Variants in RSPO3 observed in about 807,000 individuals in gnomAD.
RSPO3 encodes the protein R-spondin 3, also known as R-spondin-3.
Under a neutral mutation model 36.5 loss-of-function variants are expected in RSPO3, and 17 were observed. That is an observed-to-expected ratio of 0.47 (90% confidence interval 0.32 to 0.70). RSPO3 has a LOEUF of 0.70. RSPO3 is among the 30% of genes least tolerant of loss of function. RSPO3 has a pLI of 0.04. For synonymous variants in RSPO3, 108 were observed against 107.0 expected (o/e 1.01, Z -0.06); for missense variants, 294 against 322.5 (o/e 0.91, Z 0.68).
At chr6:127,163,206 C>T (rs1774745475) in intron 4 of RSPO3, among the ~76,000 whole-genome samples, 1 of 152,102 alleles carries the variant, frequency 6.6e-6, no homozygotes, top group South Asian at 2.1e-4. Flanking sequence ...AAATATTTCT[C>T]CAGCAAAAAG....
chr6:127,159,979 G>A (rs767366477), intron 4 of RSPO3, among the ~76,000 whole-genome samples: 4 of 152,012 alleles, frequency 2.6e-5, no homozygotes, highest in East Asian at 1.9e-4. Context: ...GCTAAGCCAC[G>A]TTTTCAATTT....
intron 4 of RSPO3, among the ~76,000 whole-genome samples, chr6:127,185,179 T>C (rs1582814095): frequency 6.6e-6 from 1 of 152,004 alleles, no homozygotes; most frequent in Non-Finnish European, 1.5e-5. Context: ...GTAACCATTA[T>C]TGATGAAGTA....
chr6:127,144,986 C>T (rs577169406), intron 1 of RSPO3, among the ~76,000 whole-genome samples: 5 of 152,244 alleles, frequency 3.3e-5, no homozygotes, highest in African/African-American at 9.6e-5. Flanking sequence ...GCATCTCCAA[C>T]AGCCACTCCA....
Position 127,169,246 on chromosome 6 carries a change from T to A in RSPO3, c.634+13808T>A, listed in dbSNP as rs1774888195. ...GTTTGGTTTTTTGTTTTATTTTGCT[T>A]TGTTTTTGTAATTACAACTTCTCCT... On this transcript the variant is annotated intron_variant, in intron 4 of 4. Coordinates refer to ENST00000356698, the MANE Select transcript of RSPO3 (RefSeq NM_032784.5). Among the ~76,000 whole-genome samples the A allele has an allele frequency of 2.6e-5, 4 of 151,850 alleles. 1 individual carries two copies. In the South Asian group the frequency reaches 8.3e-4, roughly 31 times the overall value.
chr6:127,192,536 C>T (rs1176338575), intron 4 of RSPO3: 1 of 368,152 alleles, frequency 2.7e-6, no homozygotes, highest in Non-Finnish European at 3.8e-6. Flanking sequence ...GCCCTAAGGA[C>T]AGTGTACTTA....
intron 4 of RSPO3, among the ~76,000 whole-genome samples, chr6:127,187,870 C>T (rs1289649416): frequency 6.6e-6 from 1 of 152,042 alleles, no homozygotes; most frequent in African/African-American, 2.4e-5. Context: ...CAATAAAATA[C>T]AGAATATCCT....
chr6:127,181,208 A>T (rs1775179920), intron 4 of RSPO3, among the ~76,000 whole-genome samples: 1 of 151,894 alleles, frequency 6.6e-6, no homozygotes, highest in African/African-American at 2.4e-5. Context: ...CCTGCTGGAG[A>T]AGATCAGGGA....
chr6:127,131,868 T>C (rs1439358025), intron 1 of RSPO3, among the ~76,000 whole-genome samples: 1 of 152,134 alleles, frequency 6.6e-6, no homozygotes, highest in Non-Finnish European at 1.5e-5. Flanking sequence ...TCTTTCCTCA[T>C]AGACAATTTA....
intron 4 of RSPO3, among the ~76,000 whole-genome samples, chr6:127,163,408 CA>C (rs1384784882): frequency 6.6e-6 from 1 of 152,108 alleles, no homozygotes; most frequent in Non-Finnish European, 1.5e-5. Flanking sequence ...AGAAGCATTA[CA>C]GACTAACTTT....
rs539005045 is a variant in RSPO3, at chr6:127,173,204, T to TAACAA, written c.634+17768_634+17772dup. On this transcript the variant is annotated intron_variant, in intron 4 of 4. Coordinates refer to ENST00000356698, the MANE Select transcript of RSPO3 (RefSeq NM_032784.5). ...GTTTACAACCATTTTGTTATTCAAATAACAAACTTAACTATAATAAGCAAA... is the reference window on the plus strand; with the variant it reads ...GTTTACAACCATTTTGTTATTCAAATAACAAAACAAACTTAACTATAATAAGCAAA... Among the ~76,000 whole-genome samples the TAACAA allele has an allele frequency of 8.6e-5, 13 of 152,002 alleles. No homozygotes were observed. In the South Asian group the frequency reaches 2.7e-3, roughly 32 times the overall value.
chr6:127,187,268 G>T (rs920283400), intron 4 of RSPO3, among the ~76,000 whole-genome samples: 3 of 152,112 alleles, frequency 2.0e-5, no homozygotes, highest in Non-Finnish European at 4.4e-5. Flanking sequence ...GGCTTTAATG[G>T]TCTTTGAAAT....
At chr6:127,190,629 T>C (rs1007509974) in intron 4 of RSPO3, among the ~76,000 whole-genome samples, 10 of 152,160 alleles carry the variant, frequency 6.6e-5, no homozygotes, top group African/African-American at 2.4e-4. Context: ...AAAAATGTAA[T>C]ACTTATTTAA....
In RSPO3 at chr6:127,119,202, C is replaced by T; in HGVS notation, c.10C>T (p.Arg4Ter). Residue 4 changes from arginine (R) to a stop codon, truncating the protein, a stop_gained, in exon 1 of 5, where the codon CGA (arginine) becomes TGA (stop). Coordinates refer to ENST00000356698, the MANE Select transcript of RSPO3 (RefSeq NM_032784.5). LOFTEE classifies it high-confidence loss of function. ...GCATTACTGGGTTACTATGCACTTG[C>T]GACTGATTTCTTGGCTTTTTATCAT... MHL[R>*]LISWLFIILN... is the part of the protein sequence containing the mutation. 6.2e-7 allele frequency: 1 copy of T among 1,612,338 alleles called. No homozygotes were observed. Among genetic ancestry groups the T allele is most frequent in the Non-Finnish European group, 8.5e-7 (1 of 1,178,454 alleles).
At chr6:127,128,401 C>T (rs1170936827) in intron 1 of RSPO3, among the ~76,000 whole-genome samples, 2 of 151,990 alleles carry the variant, frequency 1.3e-5, no homozygotes, top group Non-Finnish European at 2.9e-5. Flanking sequence ...ATCTTCTCCA[C>T]CCTTGAACAA....
At chr6:127,164,241 G>T (rs1774769308) in intron 4 of RSPO3, among the ~76,000 whole-genome samples, 1 of 151,996 alleles carries the variant, frequency 6.6e-6, no homozygotes, top group South Asian at 2.1e-4. Flanking sequence ...TGAAGCCAGG[G>T]TCAAGTGAGC....
chr6:127,178,908 A>T (rs938940136), intron 4 of RSPO3, among the ~76,000 whole-genome samples: 3 of 151,846 alleles, frequency 2.0e-5, no homozygotes, highest in African/African-American at 7.2e-5. Flanking sequence ...GGAAGAACTG[A>T]AGCGGTGAAC....
Position 127,150,525 on chromosome 6 carries a change from C to A in RSPO3, c.389C>A (p.Pro130Gln), listed in dbSNP as rs1237569381. The change falls in exon 3 of 5, where the codon CCA (proline) becomes CAA (glutamine). Residue 130 changes from proline (P) to glutamine (Q), a missense_variant. Around this residue, in one of 3 missense-constraint regions of RSPO3, gnomAD observed 190 missense variants for 185.2 expected, o/e 1.03. Coordinates refer to ENST00000356698, the MANE Select transcript of RSPO3 (RefSeq NM_032784.5). The stretch of plus-strand genomic sequence containing the variant: ...CTTGGAAAGTGCCTTGACAATTGCC[C>A]AGAAGGGTTGGAAGCCAACAACCAT... ...LHLGKCLDNC[P>Q]EGLEANNHTM... 1 of 1,612,022 alleles carries A rather than the reference C, an allele frequency of 6.2e-7. No homozygotes were observed. Among genetic ancestry groups the A allele is most frequent in the East Asian group, 2.2e-5 (1 of 44,760 alleles).
intron 1 of RSPO3, among the ~76,000 whole-genome samples, chr6:127,125,925 T>C (rs535485192): frequency 3.9e-5 from 6 of 152,178 alleles, no homozygotes; most frequent in Admixed American, 2.6e-4. Context: ...TTTACAATAG[T>C]CCAGGTTTAA....
intron 2 of RSPO3, among the ~76,000 whole-genome samples, chr6:127,150,012 A>C (rs1176774976): frequency 6.6e-6 from 1 of 152,026 alleles, no homozygotes; most frequent in Non-Finnish European, 1.5e-5. Flanking sequence ...AATGCCTGGC[A>C]CATAGTAGGC....
Sources: allele counts gnomAD v4.1 joint callset (sites outside exome capture counted in the v4.1 genomes callset), GRCh38; gene constraint gnomAD v4.1.1; regional missense constraint gnomAD v4.1.1; transcripts MANE v1.5; gene names NCBI Gene and HGNC (gene_info 2026-07-23, HGNC 2026-07-21).